Variants in AXDND1 observed in about 807,000 individuals in gnomAD.
AXDND1 encodes the protein axonemal dynein light chain domain containing 1, also known as axonemal dynein light chain domain-containing protein 1.
Under a neutral mutation model 137.5 loss-of-function variants are expected in AXDND1, and 110 were observed. The ratio of observed to expected loss-of-function variants is 0.80; its 90% CI spans 0.69 to 0.94. The LOEUF is 0.94. Ranked by LOEUF, AXDND1 falls within the 40% of genes least tolerant of loss-of-function variation. AXDND1 has a pLI of 0.00. For synonymous variants in AXDND1, 414 were observed against 399.7 expected (o/e 1.04, Z -0.43); for missense variants, 1,191 against 1,169.8 (o/e 1.02, Z -0.26).
intron 20 of AXDND1, among the ~76,000 whole-genome samples, chr1:179,494,790 C>A (rs73036771): frequency 6.6e-6 from 1 of 152,046 alleles, no homozygotes; most frequent in African/African-American, 2.4e-5. Context: ...ATAACAACAT[C>A]ATAAAGATTT....
At position 179,492,886 on chromosome 1, in the gene AXDND1, C is replaced by G. The variant is rs371553563; in HGVS notation, c.2323C>G (p.Leu775Val). 14 of 1,610,226 alleles carry G rather than the reference C, an allele frequency of 8.7e-6. No individual in the cohort carries two copies. In the African/African-American group the frequency reaches 1.6e-4, roughly 18 times the overall value. Reference protein sequence around the residue: ...CCKGMVTAMALSKSTNSHKNA... With the variant: ...CCKGMVTAMAVSKSTNSHKNA... The stretch of plus-strand genomic sequence containing the variant: ...CAAAGGGATGGTAACAGCAATGGCT[C>G]TGAGTAAATCCACTAACTCACACAA... The change falls in exon 20 of 26, where the codon CTG (leucine) becomes GTG (valine). Residue 775 changes from leucine to valine, a missense_variant. Leu to Val is a conservative substitution (Grantham distance 32). Coordinates refer to ENST00000367618, the MANE Select transcript of AXDND1 (RefSeq NM_144696.6).
intron 15 of AXDND1, among the ~76,000 whole-genome samples, chr1:179,443,187 T>C (rs1362513506): frequency 2.0e-5 from 3 of 152,214 alleles, no homozygotes; most frequent in Non-Finnish European, 2.9e-5. Flanking sequence ...CTTGCATTCA[T>C]GATAAACAGT....
intron 16 of AXDND1, chr1:179,448,855 C>T (rs1198735601): frequency 1.2e-5 from 2 of 162,996 alleles, no homozygotes; most frequent in Non-Finnish European, 2.7e-5. Flanking sequence ...TATAGTTTTG[C>T]TCTTATATAA....
intron 20 of AXDND1, among the ~76,000 whole-genome samples, chr1:179,502,049 A>G (rs1558276067): frequency 6.6e-6 from 1 of 152,214 alleles, no homozygotes; most frequent in Admixed American, 6.5e-5. Context: ...TGCAACACTT[A>G]TAACTGACAA....
At chr1:179,534,237 G>A (rs16854247) in intron 24 of AXDND1, among the ~76,000 whole-genome samples, 4,016 of 152,198 alleles carry the variant, frequency 0.026, 170 homozygotes, top group African/African-American at 0.092. Flanking sequence ...TAGAAAGGGC[G>A]GTATAGTTAA....
chr1:179,487,151 A>G lies in AXDND1; in HGVS notation c.2091+3930A>G, dbSNP rs114127823. ...CTACCAAGCAAATGGAAAACTGTAA[A>G]AACAAGAGTTGCTATTCTAATTTCA... On this transcript the variant is annotated intron_variant, in intron 18 of 25. Coordinates refer to ENST00000367618, the MANE Select transcript of AXDND1 (RefSeq NM_144696.6). Among the ~76,000 whole-genome samples, 523 of 148,772 alleles carry G rather than the reference A, an allele frequency of 3.5e-3. 25 individuals are homozygous for G. Among genetic ancestry groups the G allele is most frequent in the Non-Finnish European group, 6.1e-3 (411 of 67,402 alleles).
chr1:179,480,435 A>T (rs1665227897), intron 17 of AXDND1, among the ~76,000 whole-genome samples: 1 of 152,194 alleles, frequency 6.6e-6, no homozygotes, highest in Non-Finnish European at 1.5e-5. Context: ...CGCCCCCATG[A>T]TTCAGTTATC....
chr1:179,390,888 C>T (rs1650062366), intron 9 of AXDND1, among the ~76,000 whole-genome samples: 1 of 152,216 alleles, frequency 6.6e-6, no homozygotes, highest in East Asian at 1.9e-4. Context: ...CTCACTGCAA[C>T]CTCTGCCTCC....
intron 25 of AXDND1, chr1:179,544,221 A>G (rs1264534395): frequency 6.6e-6 from 1 of 152,226 alleles, no homozygotes; most frequent in East Asian, 1.9e-4. Context: ...CACTTCCCGC[A>G]TTAAAAATAG....
intron 16 of AXDND1, among the ~76,000 whole-genome samples, chr1:179,462,720 A>G (rs34657231): frequency 0.1 from 15,595 of 151,842 alleles, 1,142 homozygotes; most frequent in East Asian, 0.35. Flanking sequence ...AGAACCTGTT[A>G]TTTATTGGTC....
intron 12 of AXDND1, among the ~76,000 whole-genome samples, chr1:179,426,605 A>C (rs1470445538): frequency 6.6e-6 from 1 of 152,250 alleles, no homozygotes; most frequent in African/African-American, 2.4e-5. Flanking sequence ...TTCCATTCCT[A>C]AGAAATACTA....
intron 5 of AXDND1, among the ~76,000 whole-genome samples, chr1:179,379,056 A>C (rs1053685178): frequency 6.6e-6 from 1 of 152,182 alleles, no homozygotes; most frequent in Non-Finnish European, 1.5e-5. Context: ...TCCACATATA[A>C]AGTTGTAGGA....
intron 15 of AXDND1, among the ~76,000 whole-genome samples, chr1:179,438,766 T>C (rs979314601): frequency 6.6e-6 from 1 of 152,228 alleles, no homozygotes; most frequent in African/African-American, 2.4e-5. Context: ...TGCAGGTCAA[T>C]TGGGTATTGT....
At chr1:179,453,171 G>T (rs935013427) in intron 16 of AXDND1, 2 of 152,290 alleles carry the variant, frequency 1.3e-5, no homozygotes, top group Non-Finnish European at 2.9e-5. Context: ...TGCTGCAGGG[G>T]CAGGGCCCTC....
chr1:179,430,972 A>G (rs1002501528), intron 14 of AXDND1, among the ~76,000 whole-genome samples: 2 of 152,142 alleles, frequency 1.3e-5, no homozygotes, highest in African/African-American at 4.8e-5. Context: ...TGACAGTTAG[A>G]GGGAGATGGT....
At position 179,525,254 on chromosome 1, in the gene AXDND1, A is replaced by G. The variant is rs1256922053; in HGVS notation, c.2497-80A>G. On this transcript the variant is annotated intron_variant, in intron 21 of 25. Coordinates refer to ENST00000367618, the MANE Select transcript of AXDND1 (RefSeq NM_144696.6). Reference sequence around the variant, plus strand: ...TAGCACAGTACCCAGCTGCAGGATTAGTGCTCATTAAATATTTTGAACAAA... The same window carrying G: ...TAGCACAGTACCCAGCTGCAGGATTGGTGCTCATTAAATATTTTGAACAAA... 25 of 1,357,650 alleles carry G rather than the reference A, an allele frequency of 1.8e-5. No individual in the cohort carries two copies. The East Asian group carries it at 5.6e-4, about 30-fold the overall frequency. 84.1% of individuals were successfully genotyped at this position (1,357,650 alleles called of 1,614,324 possible).
chr1:179,386,204 A>G (rs1649194568), intron 9 of AXDND1, among the ~76,000 whole-genome samples: 1 of 151,838 alleles, frequency 6.6e-6, no homozygotes, highest in Admixed American at 6.6e-5. Flanking sequence ...GGCGCCTGCC[A>G]CCACGCCCGG....
chr1:179,396,066 G>C lies in AXDND1; in HGVS notation c.1109+864G>C, dbSNP rs887414410. On this transcript the variant is annotated intron_variant, in intron 11 of 25. Transcript: ENST00000367618. ...TGCCTGTAATCCTAGCTACGTGGAA[G>C]GCTGAGGCATGAGAATTGCTTGAAC... Among the ~76,000 whole-genome samples the C allele has an allele frequency of 7.2e-5, 11 of 151,874 alleles. 2 individuals are homozygous for C. The highest frequency in any genetic ancestry group is 5.3e-4 in the Admixed American group (8 of 15,230).
chr1:179,391,818 A>G (rs10913745), intron 9 of AXDND1, among the ~76,000 whole-genome samples: 17,477 of 152,078 alleles, frequency 0.11, 1,189 homozygotes, highest in East Asian at 0.35. Context: ...GATTACAGGC[A>G]TGAGTCACTG....
Sources: allele counts gnomAD v4.1 joint callset (sites outside exome capture counted in the v4.1 genomes callset), GRCh38; gene constraint gnomAD v4.1.1; transcripts MANE v1.5; gene names NCBI Gene and HGNC (gene_info 2026-07-23, HGNC 2026-07-21).